The following SKAP2 variants were observed in gnomAD, a reference collection of about 807,000 sequenced individuals.
SKAP2 encodes src kinase associated phosphoprotein 2.
Under a neutral mutation model 54.9 loss-of-function variants are expected in SKAP2, and 28 were observed. The observed-to-expected ratio is 0.51, with a 90% CI of 0.38 to 0.70. SKAP2 has a LOEUF of 0.70. Ranked by LOEUF, SKAP2 falls within the 30% of genes least tolerant of loss-of-function variation. The probability of loss-of-function intolerance (pLI) is 0.00; values close to 1 mark genes in which losing one functional copy is unlikely to be tolerated. For missense variants in SKAP2, 356 were observed against 424.1 expected (o/e 0.84, Z 1.41); for synonymous variants, 137 against 134.3 (o/e 1.02, Z -0.14).
intron 4 of SKAP2, among the ~76,000 whole-genome samples, chr7:26,827,663 T>G (rs1208273911): frequency 6.6e-6 from 1 of 152,152 alleles, no homozygotes; most frequent in African/African-American, 2.4e-5. Context: ...AAGAACCAGT[T>G]TTTCCCAAGA....
chr7:26,813,074 T>C (rs1206729828), intron 4 of SKAP2, among the ~76,000 whole-genome samples: 2 of 152,176 alleles, frequency 1.3e-5, no homozygotes, highest in Non-Finnish European at 2.9e-5. Context: ...AACTAGTTCT[T>C]AAATGTGACA....
At chr7:26,835,998 T>C (rs924010112) in intron 4 of SKAP2, among the ~76,000 whole-genome samples, 4 of 152,136 alleles carry the variant, frequency 2.6e-5, no homozygotes, top group Admixed American at 6.5e-5. Context: ...AACAGATACA[T>C]AGACCAACGG....
intron 4 of SKAP2, among the ~76,000 whole-genome samples, chr7:26,787,638 T>C (rs996091247): frequency 2.0e-5 from 3 of 152,100 alleles, no homozygotes; most frequent in South Asian, 2.1e-4. Flanking sequence ...GGAAGCTTTT[T>C]TACTCATGGT....
At chr7:26,694,545 A>T (rs1367412063) in intron 9 of SKAP2, among the ~76,000 whole-genome samples, 1 of 151,470 alleles carries the variant, frequency 6.6e-6, no homozygotes, top group East Asian at 1.9e-4. Flanking sequence ...ATAGTCACAC[A>T]TTTACTAAAC....
chr7:26,810,552 T>C (rs1014854427), intron 4 of SKAP2, among the ~76,000 whole-genome samples: 3 of 152,152 alleles, frequency 2.0e-5, no homozygotes, highest in African/African-American at 4.8e-5. Flanking sequence ...ACAGTGGATT[T>C]CAAAGGTTCT....
intron 4 of SKAP2, among the ~76,000 whole-genome samples, chr7:26,765,202 G>C (rs142583920): frequency 2.1e-4 from 32 of 152,234 alleles, no homozygotes; most frequent in African/African-American, 7.7e-4. Context: ...TCTCATTGTG[G>C]TTTTGATTTG....
At chr7:26,805,944 G>T (rs889324623) in intron 4 of SKAP2, among the ~76,000 whole-genome samples, 2 of 152,056 alleles carry the variant, frequency 1.3e-5, no homozygotes, top group African/African-American at 4.8e-5. Flanking sequence ...AACAGCATGT[G>T]TTGGCTTTGT....
chr7:26,809,136 G>A (rs931370289), intron 4 of SKAP2, among the ~76,000 whole-genome samples: 8 of 152,124 alleles, frequency 5.3e-5, no homozygotes, highest in South Asian at 2.1e-4. Flanking sequence ...TGGTCTGGCC[G>A]GGCGCGGTGG....
At chr7:26,818,203 G>C (rs1784312513) in intron 4 of SKAP2, among the ~76,000 whole-genome samples, 1 of 152,170 alleles carries the variant, frequency 6.6e-6, no homozygotes. Flanking sequence ...CAAGGCTACA[G>C]TAACCGAAAC....
intron 4 of SKAP2, among the ~76,000 whole-genome samples, chr7:26,778,816 T>A (rs1269512192): frequency 1.3e-5 from 2 of 152,024 alleles, no homozygotes; most frequent in African/African-American, 2.4e-5. Context: ...TAAAATAAAT[T>A]TAAAGCAAAA....
At chr7:26,809,790 G>C (rs576147937) in intron 4 of SKAP2, among the ~76,000 whole-genome samples, 1 of 152,256 alleles carries the variant, frequency 6.6e-6, no homozygotes, top group South Asian at 2.1e-4. Flanking sequence ...GTATGTCAAG[G>C]GGATATCTGC....
chr7:26,748,107 A>G (rs1782597104), intron 4 of SKAP2, among the ~76,000 whole-genome samples: 1 of 152,172 alleles, frequency 6.6e-6, no homozygotes, highest in Admixed American at 6.6e-5. Context: ...AAACTGAACT[A>G]TCTTATTACA....
intron 4 of SKAP2, among the ~76,000 whole-genome samples, chr7:26,823,970 A>T (rs941138194): frequency 6.6e-6 from 1 of 152,238 alleles, no homozygotes; most frequent in Admixed American, 6.5e-5. Flanking sequence ...GGAATATAAC[A>T]TAATCGTAGT....
chr7:26,656,183 T>C, the SKAP2 span, among the ~76,000 whole-genome samples: 3 of 152,184 alleles, frequency 2.0e-5, no homozygotes, highest in African/African-American at 7.2e-5. Flanking sequence ...CATTAGAAAC[T>C]TGGCAATCCT....
intron 4 of SKAP2, among the ~76,000 whole-genome samples, chr7:26,796,653 T>A (rs1783787337): frequency 6.6e-6 from 1 of 152,254 alleles, no homozygotes; most frequent in Admixed American, 6.5e-5. Flanking sequence ...TGATATCAAC[T>A]TGTGGCACCA....
chr7:26,721,458 T>C (rs1787575456), intron 9 of SKAP2, among the ~76,000 whole-genome samples: 1 of 152,188 alleles, frequency 6.6e-6, no homozygotes, highest in Non-Finnish European at 1.5e-5. Context: ...TTGGACTGAA[T>C]ACATTTAAAA....
intron 4 of SKAP2, among the ~76,000 whole-genome samples, chr7:26,753,842 G>A (rs909057812): frequency 1.3e-5 from 2 of 152,094 alleles, no homozygotes; most frequent in African/African-American, 4.8e-5. Flanking sequence ...AGAAACCAAT[G>A]AGGAGACAGA....
intron 9 of SKAP2, among the ~76,000 whole-genome samples, chr7:26,712,598 A>G (rs1019686178): frequency 1.3e-5 from 2 of 152,232 alleles, no homozygotes; most frequent in African/African-American, 4.8e-5. Flanking sequence ...TTGTGCCTCT[A>G]AACAAGTTAC....
chr7:26,758,676 C>T (rs969437281), intron 4 of SKAP2, among the ~76,000 whole-genome samples: 11 of 152,204 alleles, frequency 7.2e-5, no homozygotes, highest in Admixed American at 4.6e-4. Flanking sequence ...ATAAAGAAAA[C>T]ATTTGCAAGA....
Sources: gnomAD v4.1 joint callset for allele counts (sites outside exome capture counted in the v4.1 genomes callset) on GRCh38, gnomAD v4.1.1 for gene constraint, MANE v1.5 for transcripts, NCBI Gene and HGNC (gene_info 2026-07-23, HGNC 2026-07-21) for gene names.